Variants in ARHGEF4 observed in about 807,000 individuals in gnomAD.
The protein encoded by ARHGEF4 is APC-stimulated guanine nucleotide exchange factor 1.
A neutral mutation model predicts 162.0 loss-of-function variants in ARHGEF4; 119 were observed. The ratio of observed to expected loss-of-function variants is 0.73; its 90% CI spans 0.63 to 0.86. The LOEUF is 0.86. Ranked by LOEUF, ARHGEF4 falls within the 40% of genes least tolerant of loss-of-function variation. ARHGEF4 has a pLI of 0.00. For synonymous variants in ARHGEF4, 1,014 were observed against 979.9 expected, an observed-to-expected ratio of 1.03 and a Z score of -0.65; for missense variants, 2,488 against 2,456.0, an observed-to-expected ratio of 1.01 and a Z score of -0.28.
chr2:131,028,997 A>G lies in ARHGEF4; in HGVS notation c.4125+913A>G, dbSNP rs572381531. Among the ~76,000 whole-genome samples, 180 of 152,264 alleles carry G rather than the reference A, an allele frequency of 1.2e-3. 1 individual carries two copies. The highest frequency in any genetic ancestry group is 4.0e-3 in the African/African-American group (168 of 41,544). ...GAGGAGGGTGGCGTCCTCCTTACCC[A>G]CTGGACAGAGGAGTGGAATCAAAGG... On this transcript the variant is annotated intron_variant, in intron 5 of 13. Transcript: ENST00000409359.
At chr2:131,036,164 G>T (rs1168382999) in intron 5 of ARHGEF4, among the ~76,000 whole-genome samples, 1 of 152,216 alleles carries the variant, frequency 6.6e-6, no homozygotes. Flanking sequence ...ACCAAAAAGG[G>T]CCTCTGCCCA....
intron 3 of ARHGEF4, among the ~76,000 whole-genome samples, chr2:130,944,580 A>T (rs1211563893): frequency 6.6e-6 from 1 of 151,896 alleles, no homozygotes; most frequent in Non-Finnish European, 1.5e-5. Flanking sequence ...TATTTTAGTT[A>T]TTTTATATTT....
intron 1 of ARHGEF4, among the ~76,000 whole-genome samples, chr2:130,884,868 T>C (rs1323793012): frequency 2.6e-5 from 4 of 152,088 alleles, no homozygotes; most frequent in Admixed American, 1.3e-4. Flanking sequence ...CTGAGGACTC[T>C]TCAGGATCTG....
Position 130,914,235 on chromosome 2 carries a change from G to A in ARHGEF4, c.289G>A (p.Val97Ile), listed in dbSNP as rs540327050. ...CTTCCACCCTCTAAGAGGTACTCCC[G>A]TAGATATAGAAGCACCTTGGGAATA... The part of the protein sequence containing the change: ...GVFHPLRGTP[V>I]DIEAPWEYPD... Residue 97 changes from valine to isoleucine, a missense_variant, in exon 2 of 14, where the codon GTA becomes ATA. Physicochemically the swap from Val to Ile is conservative, Grantham distance 29. This residue lies in a region of ARHGEF4 where 171 missense variants were observed against 169.4 expected (regional missense o/e 1.01). Coordinates refer to ENST00000409359, the MANE Select transcript of ARHGEF4 (RefSeq NM_001367493.1). The A allele has an allele frequency of 2.0e-5, 31 of 1,535,692 alleles. No individual in the cohort carries two copies. Among genetic ancestry groups the A allele is most frequent in the Admixed American group, 5.9e-5 (3 of 50,980 alleles).
At chr2:130,870,419 GC>G (rs1678386233) in intron 1 of ARHGEF4, among the ~76,000 whole-genome samples, 1 of 152,202 alleles carries the variant, frequency 6.6e-6, no homozygotes, top group African/African-American at 2.4e-5. Flanking sequence ...GCTGAGGGGA[GC>G]CCTCCAGGGT....
chr2:130,915,823 G>T lies in ARHGEF4; in HGVS notation c.1877G>T (p.Arg626Met). ...LEPKAGGEAS[R>M]GRGALIIVAV... ...CCCAAAGCAGGCGGCGAGGCCTCGA[G>T]GGGCAGGGGCGCCCTCATCATTGTA... is the stretch of plus-strand genomic sequence containing the variant. The change falls in exon 2 of 14, where the codon AGG becomes ATG. Residue 626 changes from arginine to methionine, a missense_variant. By Grantham distance (91) the Arg-to-Met change is moderately conservative (BLOSUM62 -1). This residue lies in a region of ARHGEF4 where 1,642 missense variants were observed against 1,481.5 expected (regional missense o/e 1.11). Transcript: ENST00000409359. The T allele has an allele frequency of 1.3e-6, 2 of 1,525,860 alleles. No homozygotes were observed. The highest frequency in any genetic ancestry group is 2.5e-5 in the South Asian group (2 of 79,670). 94.5% of individuals were successfully genotyped at this position (1,525,860 alleles called of 1,614,324 possible). A position where few individuals can be genotyped will look rare whatever the true frequency, so the allele number is the denominator to read the frequency against.
At position 130,854,846 on chromosome 2, in the gene ARHGEF4, TTTTATTTA is replaced by T. The variant is rs58855269; in HGVS notation, c.39+17890_39+17897del. Reference sequence around the variant, plus strand: ...TGCAGCTTTGCTGGAGGAGTCTGACTTTTATTTATTTATTTATTTATTTATTTATTTAT... The same window carrying T: ...TGCAGCTTTGCTGGAGGAGTCTGACTTTTATTTATTTATTTATTTATTTAT... On this transcript the variant is annotated intron_variant, in intron 1 of 13. Coordinates refer to ENST00000409359, the MANE Select transcript of ARHGEF4 (RefSeq NM_001367493.1). Among the ~76,000 whole-genome samples, 647 of 140,302 alleles carry T rather than the reference TTTTATTTA, an allele frequency of 4.6e-3. 8 individuals carry two copies. Among genetic ancestry groups the T allele is most frequent in the South Asian group, 0.034 (142 of 4,178 alleles). The allele number at this position is 140,302 out of a possible 152,430, so 92.0% of individuals were successfully genotyped here.
chr2:130,922,351 A>G (rs1209804015), intron 2 of ARHGEF4, among the ~76,000 whole-genome samples: 1 of 151,912 alleles, frequency 6.6e-6, no homozygotes, highest in South Asian at 2.1e-4. Flanking sequence ...AGCCTGGGCA[A>G]CAAGAGTGAA....
intron 1 of ARHGEF4, among the ~76,000 whole-genome samples, chr2:130,905,595 C>T (rs1052252761): frequency 5.3e-5 from 8 of 151,994 alleles, no homozygotes; most frequent in Admixed American, 1.3e-4. Context: ...AGCAGCCCCC[C>T]CAACTTATCC....
chr2:130,962,167 A>T (rs1684664386), intron 4 of ARHGEF4, among the ~76,000 whole-genome samples: 1 of 151,034 alleles, frequency 6.6e-6, no homozygotes, highest in South Asian at 2.1e-4. Context: ...TAAACCAGCG[A>T]GTCGTAGGTT....
chr2:131,031,925 C>CCT (rs1008319166), intron 5 of ARHGEF4, among the ~76,000 whole-genome samples: 13 of 152,306 alleles, frequency 8.5e-5, no homozygotes, highest in Non-Finnish European at 1.0e-4. Context: ...CACCCAGCTC[C>CCT]CTCCCCACCA....
chr2:130,876,964 A>G (rs1488817226), intron 1 of ARHGEF4, among the ~76,000 whole-genome samples: 1 of 152,220 alleles, frequency 6.6e-6, no homozygotes, highest in East Asian at 1.9e-4. Flanking sequence ...GCAGAGAATT[A>G]GTATGTATTT....
At chr2:130,890,873 G>A (rs1365643788) in intron 1 of ARHGEF4, among the ~76,000 whole-genome samples, 1 of 152,120 alleles carries the variant, frequency 6.6e-6, no homozygotes, top group Non-Finnish European at 1.5e-5. Context: ...GGGCCATGCG[G>A]TATCATGTCT....
Position 130,916,745 on chromosome 2 carries a change from T to G in ARHGEF4, c.2799T>G (p.Arg933=). 6.4e-7 allele frequency: 1 copy of G among 1,550,628 alleles called. No individual in the cohort carries two copies. The highest frequency in any genetic ancestry group is 8.7e-7 in the Non-Finnish European group (1 of 1,147,034). ...TAGAGAAAGAGAACACCCATGAACG[T>G]TCCCCAAGTTCTCCCAAGGGCGAGA... The part of the protein sequence containing the change: ...IVLEKENTHE[R]SPSSPKGEKE... The change falls in exon 2 of 14, where the codon CGT becomes CGG. Residue 933 remains arginine, a synonymous_variant. Transcript: ENST00000409359.
At chr2:130,933,847 T>C (rs1401537067) in intron 3 of ARHGEF4, among the ~76,000 whole-genome samples, 1 of 152,226 alleles carries the variant, frequency 6.6e-6, no homozygotes, top group East Asian at 1.9e-4. Context: ...GAAATTTCTA[T>C]GTATAAGATT....
chr2:131,010,207 C>A (rs888780800), intron 4 of ARHGEF4, among the ~76,000 whole-genome samples: 1 of 152,124 alleles, frequency 6.6e-6, no homozygotes, highest in African/African-American at 2.4e-5. Flanking sequence ...ACCTTAAAAT[C>A]TTTGTTCTAA....
chr2:130,895,873 T>G (rs1224458053), intron 1 of ARHGEF4, among the ~76,000 whole-genome samples: 3 of 152,156 alleles, frequency 2.0e-5, no homozygotes, highest in African/African-American at 4.8e-5. Flanking sequence ...CTTTTATGGT[T>G]TGAGCTTTTT....
At chr2:130,966,136 G>A (rs1684986826) in intron 4 of ARHGEF4, among the ~76,000 whole-genome samples, 1 of 152,176 alleles carries the variant, frequency 6.6e-6, no homozygotes, top group African/African-American at 2.4e-5. Flanking sequence ...CAGAGGCACT[G>A]AGGAAGACAT....
At chr2:131,038,768 G>T in intron 5 of ARHGEF4, 85 bp from the exon 6 acceptor site, 9 of 1,447,118 alleles carry the variant, frequency 6.2e-6, no homozygotes, top group Non-Finnish European at 8.3e-6. Context: ...CCTCTTCCCA[G>T]GGCTGCTGAG....
Sources: allele counts gnomAD v4.1 joint callset (sites outside exome capture counted in the v4.1 genomes callset), GRCh38; gene constraint gnomAD v4.1.1; regional missense constraint gnomAD v4.1.1; transcripts MANE v1.5; gene names NCBI Gene and HGNC (gene_info 2026-07-23, HGNC 2026-07-21).